AEBP1: variants seen among roughly 807,000 people sequenced by gnomAD.
AEBP1 encodes the protein adipocyte enhancer-binding protein 1.
Under a neutral mutation model 116.5 loss-of-function variants are expected in AEBP1, and 69 were observed. That is an observed-to-expected ratio of 0.59 (90% CI 0.49 to 0.72). The LOEUF is 0.72. AEBP1 is among the 30% of genes least tolerant of loss of function. The pLI is 0.00. For synonymous variants in AEBP1, 627 were observed against 627.3 expected (o/e 1.00, Z 0.01); for missense variants, 1,444 against 1,557.5 (o/e 0.93, Z 1.23).
chr7:44,110,808 T>C lies in AEBP1; in HGVS notation c.1484T>C (p.Met495Thr), dbSNP rs772566263. The change falls in exon 12 of 21, where the codon ATG (methionine) becomes ACG (threonine). Residue 495 changes from methionine to threonine, a missense_variant and splice_region_variant. Coordinates refer to ENST00000223357, the MANE Select transcript of AEBP1 (RefSeq NM_001129.5). ...ATGTACACCAACGGCTATGAGGAAATGGTGGGCACCATGCCCAGGCTCTTG... is the reference window on the plus strand; with the variant it reads ...ATGTACACCAACGGCTATGAGGAAACGGTGGGCACCATGCCCAGGCTCTTG... ...WVMYTNGYEE[M>T]TFHGNVDKDT... is the part of the protein sequence containing the mutation. The C allele has an allele frequency of 6.4e-7, 1 of 1,566,922 alleles. No homozygotes were observed. Among genetic ancestry groups the C allele is most frequent in the South Asian group, 1.2e-5 (1 of 84,654 alleles).
chr7:44,109,620 G>T (rs1388493793), intron 9 of AEBP1: 2 of 585,122 alleles, frequency 3.4e-6, no homozygotes, highest in Non-Finnish European at 6.1e-6. Context: ...TTGGTGGGGA[G>T]TGAGGACCTC....
Position 44,112,141 on chromosome 7 carries a change from G to A in AEBP1, c.2038-1G>A. On this transcript the variant is annotated splice_acceptor_variant, in intron 16 of 20. Coordinates refer to ENST00000223357, the MANE Select transcript of AEBP1 (RefSeq NM_001129.5). LOFTEE classifies it high-confidence loss of function. The surrounding 1 kb of genome is among the most constrained non-coding windows in gnomAD (Gnocchi z 6.6). ...ATGCCTACCCTGCTGGCTCCCCACAGGGCTCAGAGTTTGGGAACTGGGCGC... is the reference window on the plus strand; with the variant it reads ...ATGCCTACCCTGCTGGCTCCCCACAAGGCTCAGAGTTTGGGAACTGGGCGC... The A allele has an allele frequency of 6.3e-7, 1 of 1,597,826 alleles. No homozygotes were observed. The highest frequency in any genetic ancestry group is 1.1e-5 in the South Asian group (1 of 89,856).
At chr7:44,109,570 C>A in intron 9 of AEBP1, 1 of 596,552 alleles carries the variant, frequency 1.7e-6, no homozygotes, top group Non-Finnish European at 2.9e-6. Flanking sequence ...CTCCCCAGGG[C>A]CCCTAGTGGC....
Position 44,108,136 on chromosome 7 carries a change from G to A in AEBP1, c.940+52G>A, listed in dbSNP as rs1304520852. On this transcript the variant is annotated intron_variant, in intron 6 of 20. Transcript: ENST00000223357. This position sits in a 1 kb window ranked among gnomAD's most constrained non-coding sequence, Gnocchi z 5.0. ...AGGGACATAGGCAGGTGGGGGTCGGGGCTGGGGTGTGGTCAGGAGCCAGCT... is the reference window on the plus strand; with the variant it reads ...AGGGACATAGGCAGGTGGGGGTCGGAGCTGGGGTGTGGTCAGGAGCCAGCT... 3 of 1,536,664 alleles carry A rather than the reference G, an allele frequency of 2.0e-6. No individual in the cohort carries two copies. Among genetic ancestry groups the A allele is most frequent in the Non-Finnish European group, 2.6e-6 (3 of 1,135,348 alleles).
rs1481063953 is a variant in AEBP1, at chr7:44,113,591, C to T, written c.2810-3C>T. On this transcript the variant is annotated splice_polypyrimidine_tract_variant and splice_region_variant and intron_variant, in intron 20 of 20. Coordinates refer to ENST00000223357, the MANE Select transcript of AEBP1 (RefSeq NM_001129.5). This position sits in a 1 kb window ranked among gnomAD's most constrained non-coding sequence, Gnocchi z 5.3. ...GGGCAGCCGGATCGTTCTCCCTCCG[C>T]AGCCAGTGGTGGTGATTACTGGCGA... is the stretch of plus-strand genomic sequence containing the variant. 8 of 1,607,322 alleles carry T rather than the reference C, an allele frequency of 5.0e-6. No homozygotes were observed. In the African/African-American group the frequency reaches 6.7e-5, roughly 13 times the overall value.
Position 44,114,165 on chromosome 7 carries a change from A to AGAG in AEBP1, c.3394_3396dup (p.Glu1132dup), listed in dbSNP as rs766802928. 6.2e-7 allele frequency: 1 copy of AGAG among 1,611,554 alleles called. No homozygotes were observed. The highest frequency in any genetic ancestry group is 1.7e-5 in the Admixed American group (1 of 60,006). On this transcript the variant is annotated inframe_insertion, in exon 21 of 21. Coordinates refer to ENST00000223357, the MANE Select transcript of AEBP1 (RefSeq NM_001129.5). ...CCCAGCTGGAACCCGAGTTTGAGGA[A>AGAG]GAGGAGGAGGAGGAGAAAGAGGAGG...
rs1293701720 is a variant in AEBP1, at chr7:44,113,590, G to T, written c.2810-4G>T. 6.2e-7 allele frequency: 1 copy of T among 1,606,474 alleles called. No homozygotes were observed. Among genetic ancestry groups the T allele is most frequent in the Non-Finnish European group, 8.5e-7 (1 of 1,177,754 alleles). On this transcript the variant is annotated splice_polypyrimidine_tract_variant and splice_region_variant and intron_variant, in intron 20 of 20. Transcript: ENST00000223357. This position sits in a 1 kb window ranked among gnomAD's most constrained non-coding sequence, Gnocchi z 5.3. The stretch of plus-strand genomic sequence containing the variant: ...GGGGCAGCCGGATCGTTCTCCCTCC[G>T]CAGCCAGTGGTGGTGATTACTGGCG...
Position 44,113,248 on chromosome 7 carries a change from C to T in AEBP1, c.2710-4C>T. On this transcript the variant is annotated splice_polypyrimidine_tract_variant and splice_region_variant and intron_variant, in intron 19 of 20. Coordinates refer to ENST00000223357, the MANE Select transcript of AEBP1 (RefSeq NM_001129.5). This position sits in a 1 kb window ranked among gnomAD's most constrained non-coding sequence, Gnocchi z 5.3. ...GGACCAGCAGCCCTCACCTGCTTCC[C>T]TAGGTGCACCGCGGCATTAAGGGGG... 6.2e-7 allele frequency: 1 copy of T among 1,613,650 alleles called. No individual in the cohort carries two copies. The highest frequency in any genetic ancestry group is 1.1e-5 in the South Asian group (1 of 91,078).
In AEBP1 at chr7:44,113,122, A is replaced by C; in HGVS notation, c.2701A>C (p.Met901Leu). ...ENNKEALLTF[M>L]EQVHRGIKGV... ...CAACAAGGAGGCGCTGCTCACCTTC[A>C]TGGAGCAGGTGGGGTGGCTAGGGCA... The change falls in exon 19 of 21, where the codon ATG becomes CTG. Residue 901 changes from methionine to leucine, a missense_variant. Coordinates refer to ENST00000223357, the MANE Select transcript of AEBP1 (RefSeq NM_001129.5). The surrounding 1 kb of genome is among the most constrained non-coding windows in gnomAD (Gnocchi z 5.3). 1 of 1,613,938 alleles carries C rather than the reference A, an allele frequency of 6.2e-7. No homozygotes were observed. Among genetic ancestry groups the C allele is most frequent in the African/African-American group, 1.3e-5 (1 of 74,998 alleles).
rs557803078 is a variant in AEBP1, at chr7:44,114,053, T to G, written c.3269T>G (p.Val1090Gly). ...GAGACTGAGACCTACACAGAGGTGG[T>G]GACAGAGTTTGGGACCGAGGTGGAG... is the stretch of plus-strand genomic sequence containing the variant. ...ESETETYTEV[V>G]TEFGTEVEPE... The change falls in exon 21 of 21, where the codon GTG becomes GGG. Residue 1090 changes from valine to glycine, a missense_variant. Physicochemically the swap from Val to Gly is moderately radical, Grantham distance 109. Coordinates refer to ENST00000223357, the MANE Select transcript of AEBP1 (RefSeq NM_001129.5). The G allele has an allele frequency of 6.2e-7, 1 of 1,613,858 alleles. No individual in the cohort carries two copies. Among genetic ancestry groups the G allele is most frequent in the East Asian group, 2.2e-5 (1 of 44,882 alleles).
rs2096223875 is a variant in AEBP1 at position 44,107,208 on chromosome 7, C to A, written c.596-231C>A. On this transcript the variant is annotated intron_variant, in intron 2 of 20. Transcript: ENST00000223357. The surrounding 1 kb of genome is among the most constrained non-coding windows in gnomAD (Gnocchi z 4.3). ...CGCTGGGGACAGCTTTGTGGTAGGG[C>A]CTCCAGCAGCACAGTAGGTTCCCCA... is the stretch of plus-strand genomic sequence containing the variant. Among the ~76,000 whole-genome samples the A allele has an allele frequency of 6.6e-6, 1 of 152,178 alleles. No homozygotes were observed. The highest frequency in any genetic ancestry group is 1.5e-5 in the Non-Finnish European group (1 of 68,018).
chr7:44,108,035 G>A lies in AEBP1; in HGVS notation c.891G>A (p.Pro297=), dbSNP rs200809130. 2.4e-5 allele frequency: 38 copies of A among 1,593,518 alleles called. No individual in the cohort carries two copies. The highest frequency in any genetic ancestry group is 2.0e-5 in the Non-Finnish European group (24 of 1,172,602). Residue 297 remains proline, a synonymous_variant, in exon 6 of 21, where the codon CCG becomes CCA. Transcript: ENST00000223357. This position sits in a 1 kb window ranked among gnomAD's most constrained non-coding sequence, Gnocchi z 5.0. ...IEPPVKPLLP[P]LPPDYGDGYV... is the part of the protein sequence containing the mutation. Reference sequence around the variant, plus strand: ...CTCCTGTGAAGCCTCTGCTGCCCCCGCTGCCCCCTGACTATGGTGATGGTT... The same window carrying A: ...CTCCTGTGAAGCCTCTGCTGCCCCCACTGCCCCCTGACTATGGTGATGGTT...
chr7:44,110,199 C>G lies in AEBP1; in HGVS notation c.1261-8C>G, dbSNP rs1284451728. The G allele has an allele frequency of 6.2e-7, 1 of 1,613,590 alleles. No homozygotes were observed. Among genetic ancestry groups the G allele is most frequent in the Middle Eastern group, 1.7e-4 (1 of 6,060 alleles). On this transcript the variant is annotated splice_region_variant and splice_polypyrimidine_tract_variant and intron_variant, in intron 10 of 20. Coordinates refer to ENST00000223357, the MANE Select transcript of AEBP1 (RefSeq NM_001129.5). ...GCCCATGCTCAGCCTCCCCTGCCCCCTGGACAGACCGGTGCCACTGAGGAC... is the reference window on the plus strand; with the variant it reads ...GCCCATGCTCAGCCTCCCCTGCCCCGTGGACAGACCGGTGCCACTGAGGAC...
At chr7:44,110,686 G>A (rs568109376) in intron 11 of AEBP1, 39 bp from the exon 12 acceptor site, 18 of 1,494,356 alleles carry the variant, frequency 1.2e-5, no homozygotes, top group Non-Finnish European at 1.5e-5. Context: ...GGGCCTGGGA[G>A]GGGGAAGACC....
In AEBP1 at chr7:44,108,961, GAGA is replaced by G; in HGVS notation, c.1006_1008del (p.Lys336del). Reference sequence around the variant, plus strand: ...CGATGCTGAGCGCCAGACAGACGAAGAGAAGGAGGAGCTGAGTGAGTGGGACCA... The same window carrying G: ...CGATGCTGAGCGCCAGACAGACGAAGAGGAGGAGCTGAGTGAGTGGGACCA... On this transcript the variant is annotated inframe_deletion, in exon 7 of 21. Transcript: ENST00000223357. This position sits in a 1 kb window ranked among gnomAD's most constrained non-coding sequence, Gnocchi z 5.0. 4.4e-6 allele frequency: 7 copies of G among 1,604,414 alleles called. No homozygotes were observed. Among genetic ancestry groups the G allele is most frequent in the South Asian group, 2.2e-5 (2 of 89,558 alleles).
rs1437198537 is a variant in AEBP1, at chr7:44,113,437, TAG to T, written c.2809+89_2809+90del. The T allele has an allele frequency of 7.5e-6, 11 of 1,471,848 alleles. No individual in the cohort carries two copies. Among genetic ancestry groups the T allele is most frequent in the East Asian group, 5.0e-5 (2 of 39,828 alleles). 91.2% of individuals were successfully genotyped at this position (1,471,848 alleles called of 1,614,324 possible). On this transcript the variant is annotated intron_variant, in intron 20 of 20. Transcript: ENST00000223357. This position sits in a 1 kb window ranked among gnomAD's most constrained non-coding sequence, Gnocchi z 5.3. ...GGGCTTGAGGAACTCAGCGAGCAGG[TAG>T]AGTCTGGGGAGCCTGGGGGCGAAAT...
In AEBP1 at chr7:44,112,573, C is replaced by T. The variant is rs2096230757; in HGVS notation, c.2233C>T (p.Arg745Trp). Residue 745 changes from arginine to tryptophan, a missense_variant, in exon 18 of 21, where the codon CGG (arginine) becomes TGG (tryptophan). Arg to Trp is a moderately radical substitution (Grantham distance 101). Transcript: ENST00000223357. This position sits in a 1 kb window ranked among gnomAD's most constrained non-coding sequence, Gnocchi z 6.6. ...SPDATVSTEV[R>W]AIIAWMEKNP... ...GCCACTCCAGGTATCCACGGAGGTC[C>T]GGGCCATCATTGCCTGGATGGAGAA... 1 of 1,591,980 alleles carries T rather than the reference C, an allele frequency of 6.3e-7. No individual in the cohort carries two copies. The highest frequency in any genetic ancestry group is 8.6e-7 in the Non-Finnish European group (1 of 1,165,792).
chr7:44,113,736 C>G lies in AEBP1; in HGVS notation c.2952C>G (p.Arg984=), dbSNP rs141977965. 6.2e-7 allele frequency: 1 copy of G among 1,614,124 alleles called. No homozygotes were observed. Among genetic ancestry groups the G allele is most frequent in the South Asian group, 1.1e-5 (1 of 91,090 alleles). The change falls in exon 21 of 21, where the codon CGC becomes CGG. Residue 984 remains arginine (R), a synonymous_variant. Transcript: ENST00000223357. This position sits in a 1 kb window ranked among gnomAD's most constrained non-coding sequence, Gnocchi z 5.3. The part of the protein sequence containing the change: ...GATQCNFILA[R]SNWKRIREIM... Reference sequence around the variant, plus strand: ...CTCAGTGCAACTTCATCCTGGCTCGCTCCAACTGGAAGCGCATCCGGGAGA... The same window carrying G: ...CTCAGTGCAACTTCATCCTGGCTCGGTCCAACTGGAAGCGCATCCGGGAGA...
Position 44,104,877 on chromosome 7 carries a change from C to T in AEBP1, c.212C>T (p.Ala71Val), listed in dbSNP as rs1562683403. ...EPTPRVRKAQAGGKPGKRPGT... is the reference protein window; with the variant it reads ...EPTPRVRKAQVGGKPGKRPGT... ...ACCCCGCGGGTCCGAAAAGCCCAGG[C>T]GGGGGGCAAGCCAGGGAAGCGGCCA... Residue 71 changes from alanine (A) to valine (V), a missense_variant, in exon 1 of 21, where the codon GCG (alanine) becomes GTG (valine). Ala to Val is a moderately conservative substitution (Grantham distance 64, BLOSUM62 0). Transcript: ENST00000223357. 1.9e-5 allele frequency: 29 copies of T among 1,560,276 alleles called. No individual in the cohort carries two copies. The highest frequency in any genetic ancestry group is 2.5e-5 in the Non-Finnish European group (29 of 1,152,706).
Sources: gnomAD v4.1 joint callset for allele counts (sites outside exome capture counted in the v4.1 genomes callset) on GRCh38, gnomAD v4.1.1 for gene constraint, Gnocchi (gnomAD v3.1) non-coding constraint, MANE v1.5 for transcripts, NCBI Gene and HGNC (gene_info 2026-07-23, HGNC 2026-07-21) for gene names.